The following SNRNP40 variants were observed in gnomAD, a reference collection of about 807,000 sequenced individuals.
SNRNP40 encodes U5 small nuclear ribonucleoprotein 40 kDa protein.
SNRNP40 carries 21 observed loss-of-function variants against 45.8 expected under a neutral mutation model. That is an observed-to-expected ratio of 0.46 (90% CI 0.32 to 0.66). SNRNP40 has a LOEUF of 0.66. SNRNP40 is among the 30% of genes least tolerant of loss of function. The pLI, the probability that SNRNP40 is intolerant of heterozygous loss-of-function variation, is 0.03. For missense variants in SNRNP40, 344 were observed against 439.1 expected (o/e 0.78, Z 1.94); for synonymous variants, 142 against 163.8 (o/e 0.87, Z 1.01).
At chr1:31,291,769 G>T in intron 3 of SNRNP40, 144 bp downstream of exon 3, 1 of 616,428 alleles carries the variant, frequency 1.6e-6, no homozygotes. Context: ...ACCTCACTTG[G>T]GGTGACAGTG....
At chr1:31,265,849 C>A (rs1569634909) in intron 8 of SNRNP40, among the ~76,000 whole-genome samples, 1 of 151,748 alleles carries the variant, frequency 6.6e-6, no homozygotes, top group South Asian at 2.1e-4. Flanking sequence ...CAAAAACAAA[C>A]AAAAATTTAA....
Position 31,278,959 on chromosome 1 carries a change from C to A in SNRNP40, c.654+2415G>T, listed in dbSNP as rs185947343. On this transcript the variant is annotated intron_variant, in intron 5 of 9. Coordinates refer to ENST00000263694, the MANE Select transcript of SNRNP40 (RefSeq NM_004814.3). ...AGAAGAAACTACCAGATGGATAGGA[C>A]AGTTTGTTGTCACAGAACTCAGGGA... 1.3e-3 allele frequency among the ~76,000 whole-genome samples: 198 copies of A among 152,002 alleles called. 2 individuals are homozygous for A. Among genetic ancestry groups the A allele is most frequent in the Non-Finnish European group, 2.5e-3 (170 of 68,000 alleles).
chr1:31,283,423 T>C (rs993072719), intron 4 of SNRNP40, among the ~76,000 whole-genome samples: 13 of 152,150 alleles, frequency 8.5e-5, no homozygotes, highest in African/African-American at 3.1e-4. Context: ...GCTAACATGG[T>C]AAAACCTTGT....
intron 2 of SNRNP40, 88 bp downstream of exon 2, chr1:31,293,131 G>C (rs1646118494): frequency 1.4e-6 from 2 of 1,427,668 alleles, no homozygotes; most frequent in Non-Finnish European, 2.0e-6. Context: ...CCAACATAGA[G>C]TGATACCTTC....
At chr1:31,267,683 G>A (rs1645908916) in intron 8 of SNRNP40, among the ~76,000 whole-genome samples, 188 bp downstream of exon 8, 1 of 152,142 alleles carries the variant, frequency 6.6e-6, no homozygotes. Flanking sequence ...TTACAGGCAT[G>A]TGCCGCCACG....
chr1:31,283,171 G>A (rs993119839), intron 4 of SNRNP40, among the ~76,000 whole-genome samples: 4 of 152,202 alleles, frequency 2.6e-5, no homozygotes, highest in Non-Finnish European at 5.9e-5. Context: ...TGCAAAGACT[G>A]GGAGAATTTT....
intron 8 of SNRNP40, among the ~76,000 whole-genome samples, chr1:31,265,808 C>T (rs1645892033): frequency 1.3e-5 from 2 of 151,982 alleles, no homozygotes; most frequent in South Asian, 4.2e-4. Flanking sequence ...CCACTGCACT[C>T]CAGCCTGGGC....
At chr1:31,292,932 G>A in intron 2 of SNRNP40, 3 of 408,366 alleles carry the variant, frequency 7.3e-6, no homozygotes, top group South Asian at 7.0e-5. Context: ...AGATTGCTAA[G>A]TGCCTTGGTA....
chr1:31,281,947 G>C (rs546382368), intron 4 of SNRNP40: 1 of 152,508 alleles, frequency 6.6e-6, no homozygotes, highest in Non-Finnish European at 1.5e-5. Flanking sequence ...CTCCACGAAA[G>C]CAGCAAATTA....
At position 31,289,397 on chromosome 1, in the gene SNRNP40, C is replaced by T. The variant is rs9628637; in HGVS notation, c.388G>A (p.Asp130Asn). Residue 130 changes from aspartate (D) to asparagine (N), a missense_variant, in exon 4 of 10, where the codon GAT (aspartate) becomes AAT (asparagine). By Grantham distance (23) the Asp-to-Asn change is conservative. This residue lies in a region of SNRNP40 where 254 missense variants were observed against 380.2 expected (regional missense o/e 0.67). Transcript: ENST00000263694. ...DGSMLFSAST[D>N]KTVAVWDSET... ...CTATCCCACACAGCCACGGTTTTAT[C>T]TGTGGATGCTGAGAAAAGCATACTA... 1 of 1,613,876 alleles carries T rather than the reference C, an allele frequency of 6.2e-7. No individual in the cohort carries two copies. Among genetic ancestry groups the T allele is most frequent in the Non-Finnish European group, 8.5e-7 (1 of 1,179,778 alleles).
At chr1:31,285,336 C>T (rs771033939) in intron 4 of SNRNP40, among the ~76,000 whole-genome samples, 1 of 151,766 alleles carries the variant, frequency 6.6e-6, no homozygotes, top group Non-Finnish European at 1.5e-5. Flanking sequence ...CTCCACCTCC[C>T]GGGTTCAAGC....
intron 8 of SNRNP40, among the ~76,000 whole-genome samples, chr1:31,267,021 AT>A (rs1247801594): frequency 6.6e-6 from 1 of 152,216 alleles, no homozygotes. Flanking sequence ...ACAAAGAACA[AT>A]TAGTTATCTC....
rs1433433815 is a variant in SNRNP40, at chr1:31,293,249, A to G, written c.241T>C (p.Leu81=). Residue 81 remains leucine, a synonymous_variant, in exon 2 of 10, where the codon TTA becomes CTA. Coordinates refer to ENST00000263694, the MANE Select transcript of SNRNP40 (RefSeq NM_004814.3). ...AGTCGGTCAAATCCTGCAGATGCTAAGGTGGATCCGTTGGGGTGGAACTTG... is the reference window on the plus strand; with the variant it reads ...AGTCGGTCAAATCCTGCAGATGCTAGGGTGGATCCGTTGGGGTGGAACTTG... ...CCKFHPNGST[L]ASAGFDRLIL... is the part of the protein sequence containing the mutation. 1.9e-6 allele frequency: 3 copies of G among 1,614,142 alleles called. No homozygotes were observed. In the East Asian group the frequency reaches 6.7e-5, roughly 36 times the overall value.
Position 31,296,672 on chromosome 1 carries a change from C to A in SNRNP40, c.80G>T (p.Gly27Val). 1 of 1,614,010 alleles carries A rather than the reference C, an allele frequency of 6.2e-7. No homozygotes were observed. The highest frequency in any genetic ancestry group is 2.2e-5 in the East Asian group (1 of 44,862). Residue 27 changes from glycine (G) to valine (V), a missense_variant, in exon 1 of 10, where the codon GGA becomes GTA. Coordinates refer to ENST00000263694, the MANE Select transcript of SNRNP40 (RefSeq NM_004814.3). ...CCCGGCTCCTGGGCCAGACCCCGCT[C>A]CCAACAGCAACTCATGCCGCTGCCG... ...VKRQRHELLL[G>V]AGSGPGAGQQ...
intron 5 of SNRNP40, among the ~76,000 whole-genome samples, chr1:31,273,242 A>G (rs933277026): frequency 2.0e-5 from 3 of 152,192 alleles, no homozygotes; most frequent in African/African-American, 4.8e-5. Flanking sequence ...CTAGGAGAGA[A>G]TGCATTTTGC....
chr1:31,261,318 C>A, intron 9 of SNRNP40: 1 of 550,114 alleles, frequency 1.8e-6, no homozygotes, highest in Non-Finnish European at 3.3e-6. Context: ...ACCATTGCTC[C>A]AACCTGGGCA....
Position 31,292,502 on chromosome 1 carries a change from G to T in SNRNP40, c.272-496C>A, listed in dbSNP as rs369976677. On this transcript the variant is annotated intron_variant, in intron 2 of 9. Transcript: ENST00000263694. ...GCCACTAGTAAGCTTAAGGATCATA[G>T]AGCCGGAACATCCAAATCAAAATGG... 1.1e-4 allele frequency among the ~76,000 whole-genome samples: 16 copies of T among 152,304 alleles called. 1 individual carries two copies. In the East Asian group the frequency reaches 1.7e-3, roughly 17 times the overall value.
In SNRNP40 at chr1:31,259,800, C is replaced by T; in HGVS notation, c.*272G>A. On this transcript the variant is annotated 3_prime_UTR_variant, in exon 10 of 10. Coordinates refer to ENST00000263694, the MANE Select transcript of SNRNP40 (RefSeq NM_004814.3). ...CAACCAACAAATTTGTCACATTGGG[C>T]CTGCATTAGAAAACAGGAAAAAAGA... 1.6e-6 allele frequency: 1 copy of T among 606,442 alleles called. No individual in the cohort carries two copies. The allele number at this position is 606,442 out of a possible 1,614,324, so 37.6% of individuals were successfully genotyped here.
At chr1:31,291,141 A>T (rs747381471) in intron 3 of SNRNP40, among the ~76,000 whole-genome samples, 69 of 151,376 alleles carry the variant, frequency 4.6e-4, no homozygotes, top group Non-Finnish European at 9.6e-4. Context: ...ATACAAAATT[A>T]GCCAGGCACG....
Sources: gnomAD v4.1 joint callset for allele counts (sites outside exome capture counted in the v4.1 genomes callset) on GRCh38, gnomAD v4.1.1 for gene constraint, gnomAD v4.1.1 regional missense constraint, MANE v1.5 for transcripts, NCBI Gene and HGNC (gene_info 2026-07-23, HGNC 2026-07-21) for gene names.